MYOF: variants seen among roughly 807,000 people sequenced by gnomAD.
The protein encoded by MYOF is fer-1-like 3, myoferlin.
Under a neutral mutation model 284.2 loss-of-function variants are expected in MYOF, and 244 were observed. The ratio of observed to expected loss-of-function variants is 0.86; its 90% CI spans 0.77 to 0.95. The LOEUF (loss-of-function observed/expected upper bound fraction) is 0.95. Ranked by LOEUF, MYOF falls within the 40% of genes least tolerant of loss-of-function variation. MYOF has a pLI of 0.00. For missense variants in MYOF, 2,496 were observed against 2,560.6 expected, an observed-to-expected ratio of 0.97 and a Z score of 0.54; for synonymous variants, 904 against 919.7, an observed-to-expected ratio of 0.98 and a Z score of 0.31.
chr10:93,456,736 T>C, intron 2 of MYOF, 146 bp downstream of exon 2: 1 of 631,586 alleles, frequency 1.6e-6, no homozygotes, highest in Non-Finnish European at 2.8e-6. Context: ...CTCTGCTCTC[T>C]TGGTGAACAC....
intron 39 of MYOF, chr10:93,338,183 C>A (rs533447554): frequency 2.0e-6 from 1 of 506,792 alleles, no homozygotes; most frequent in East Asian, 4.0e-5. Context: ...ATGTCTTTTA[C>A]ACACAGTCTA....
chr10:93,470,228 CA>C lies in MYOF; in HGVS notation c.88+11878del, dbSNP rs1284508641. On this transcript the variant is annotated intron_variant, in intron 1 of 53. Transcript: ENST00000359263. ...TGGGCAACAGAGCGAGACTCCATCT[CA>C]AAAAAAAAAAAAGAAAGAAACAAAG... Among the ~76,000 whole-genome samples, 247 of 75,030 alleles carry C rather than the reference CA, an allele frequency of 3.3e-3. 1 individual carries two copies. The highest frequency in any genetic ancestry group is 4.6e-3 in the Admixed American group (30 of 6,514). 49.2% of individuals were successfully genotyped at this position (75,030 alleles called of 152,430 possible). A position where few individuals can be genotyped will look rare whatever the true frequency, so the allele number is the denominator to read the frequency against.
At chr10:93,350,114 A>C in intron 35 of MYOF, 145 bp from the exon 36 acceptor site, 1 of 850,392 alleles carries the variant, frequency 1.2e-6, no homozygotes, top group African/African-American at 1.7e-5. Context: ...CATCCAAAGA[A>C]AGTGGTTTTG....
At chr10:93,452,798 T>G (rs962510863) in intron 2 of MYOF, among the ~76,000 whole-genome samples, 1 of 152,334 alleles carries the variant, frequency 6.6e-6, no homozygotes, top group South Asian at 2.1e-4. Flanking sequence ...TCTGCTCTTC[T>G]TAATCATACT....
At chr10:93,400,758 C>A (rs1162137186) in intron 12 of MYOF, among the ~76,000 whole-genome samples, 1 of 152,108 alleles carries the variant, frequency 6.6e-6, no homozygotes, top group Non-Finnish European at 1.5e-5. Flanking sequence ...TAGAAGCGAT[C>A]CCTTAAATGC....
At chr10:93,311,589 TAAA>T (rs145794296) in intron 51 of MYOF, among the ~76,000 whole-genome samples, 1 of 3,176 alleles carries the variant, frequency 3.1e-4, no homozygotes, top group Non-Finnish European at 7.4e-4. Flanking sequence ...ACTTCATCTC[TAAA>T]AAAAAAAAAA....
chr10:93,363,017 AC>A (rs1236741614), intron 27 of MYOF, among the ~76,000 whole-genome samples: 2 of 152,226 alleles, frequency 1.3e-5, no homozygotes, highest in Non-Finnish European at 2.9e-5. Context: ...AAAACCAACG[AC>A]TCAAAACCAA....
intron 43 of MYOF, 31 bp downstream of exon 43, chr10:93,333,190 G>A: frequency 6.4e-7 from 1 of 1,562,354 alleles, no homozygotes; most frequent in Non-Finnish European, 8.8e-7. Flanking sequence ...GAGAAATGAA[G>A]GCCAGAAAAA....
chr10:93,363,587 G>T (rs761971883), intron 27 of MYOF, among the ~76,000 whole-genome samples: 1 of 152,172 alleles, frequency 6.6e-6, no homozygotes, highest in Non-Finnish European at 1.5e-5. Flanking sequence ...GACTGCTTGA[G>T]CCCAGGAATT....
intron 28 of MYOF, 135 bp downstream of exon 28, chr10:93,361,317 C>T (rs976190299): frequency 1.3e-6 from 1 of 761,708 alleles, no homozygotes; most frequent in Non-Finnish European, 2.1e-6. Context: ...GAACTGGTAC[C>T]AGTCTGGCCT....
chr10:93,349,807 C>T lies in MYOF; in HGVS notation c.4083+1G>A, dbSNP rs766119232. ...GTGATCACAGAGAATCGATACTGTACCACTTTCATGAAGAGAACAGAACTT... is the reference window on the plus strand; with the variant it reads ...GTGATCACAGAGAATCGATACTGTATCACTTTCATGAAGAGAACAGAACTT... On this transcript the variant is annotated splice_donor_variant, in intron 36 of 53. Transcript: ENST00000359263. LOFTEE classifies it high-confidence loss of function. The T allele has an allele frequency of 6.2e-7, 1 of 1,613,856 alleles. No individual in the cohort carries two copies. Among genetic ancestry groups the T allele is most frequent in the Admixed American group, 1.7e-5 (1 of 60,002 alleles).
intron 3 of MYOF, among the ~76,000 whole-genome samples, chr10:93,448,453 G>C (rs1451573358): frequency 1.3e-5 from 2 of 152,038 alleles, no homozygotes; most frequent in Non-Finnish European, 2.9e-5. Flanking sequence ...GACATATTAT[G>C]TATATATTTT....
chr10:93,399,464 T>A lies in MYOF; in HGVS notation c.1149A>T (p.Glu383Asp). 6.2e-7 allele frequency: 1 copy of A among 1,613,668 alleles called. No homozygotes were observed. Among genetic ancestry groups the A allele is most frequent in the Non-Finnish European group, 8.5e-7 (1 of 1,179,752 alleles). The change falls in exon 13 of 54, where the codon GAA (glutamate) becomes GAT (aspartate). Residue 383 changes from glutamate (E) to aspartate (D), a missense_variant. By Grantham distance (45) the Glu-to-Asp change is conservative (BLOSUM62 2). Around this residue, in one of 3 missense-constraint regions of MYOF, gnomAD observed 2,436 missense variants for 2,480.7 expected, o/e 0.98. Coordinates refer to ENST00000359263, the MANE Select transcript of MYOF (RefSeq NM_013451.4). ...MDDAFSQTVK[E>D]IFGGNADKKN... The stretch of plus-strand genomic sequence containing the variant: ...TCTTATCTGCATTGCCTCCAAATAT[T>A]TCCTTTACTGTCTGTGAGAAGGCAT...
intron 27 of MYOF, among the ~76,000 whole-genome samples, chr10:93,362,270 G>C (rs1032119456): frequency 3.3e-5 from 5 of 150,270 alleles, no homozygotes; most frequent in African/African-American, 1.2e-4. Flanking sequence ...TTTTGAGACA[G>C]AGTTTTGCTC....
At chr10:93,377,295 T>G (rs1443406538) in intron 22 of MYOF, 28 bp downstream of exon 22, 1 of 1,527,596 alleles carries the variant, frequency 6.5e-7, no homozygotes, top group Non-Finnish European at 9.1e-7. Flanking sequence ...TGGATGAAAA[T>G]TCTGAGATAG....
intron 51 of MYOF, among the ~76,000 whole-genome samples, chr10:93,311,984 G>A (rs1159016977): frequency 6.6e-6 from 1 of 152,168 alleles, no homozygotes; most frequent in East Asian, 1.9e-4. Flanking sequence ...GGAAATTTTG[G>A]GGGTGATGGG....
intron 48 of MYOF, among the ~76,000 whole-genome samples, chr10:93,322,263 A>G (rs34535475): frequency 0.05 from 7,590 of 152,282 alleles, 303 homozygotes; most frequent in Non-Finnish European, 0.067. Flanking sequence ...TCTTTCATGT[A>G]TCAAGGAATC....
At chr10:93,476,007 G>A (rs2057251989) in intron 1 of MYOF, among the ~76,000 whole-genome samples, 1 of 152,096 alleles carries the variant, frequency 6.6e-6, no homozygotes, top group African/African-American at 2.4e-5. Flanking sequence ...GAAAGGGATG[G>A]GAATGACTCA....
rs200304153 is a variant in MYOF at position 93,431,502 on chromosome 10, G to T, written c.251C>A (p.Ala84Glu). The T allele has an allele frequency of 3.7e-6, 6 of 1,613,556 alleles. No homozygotes were observed. The South Asian group carries it at 5.5e-5, about 15-fold the overall frequency. The part of the protein sequence containing the change: ...TIGQNKLIGT[A>E]TVALKDLTGD... The stretch of plus-strand genomic sequence containing the variant: ...AGTCAGGTCCTTCAGGGCTACAGTC[G>T]CCGTGCCAATTAATCTGCAGGGAAA... Residue 84 changes from alanine to glutamate, a missense_variant, in exon 4 of 54, where the codon GCG becomes GAG. Transcript: ENST00000359263.
Sources: allele counts gnomAD v4.1 joint callset (sites outside exome capture counted in the v4.1 genomes callset), GRCh38; gene constraint gnomAD v4.1.1; regional missense constraint gnomAD v4.1.1; transcripts MANE v1.5; gene names NCBI Gene and HGNC (gene_info 2026-07-23, HGNC 2026-07-21).